The following FAT3 variants were observed in gnomAD, a reference collection of about 807,000 sequenced individuals.
FAT3 encodes the protein FAT atypical cadherin 3.
FAT3 carries 95 observed loss-of-function variants against 310.2 expected under a neutral mutation model. The observed-to-expected ratio is 0.31, with a 90% CI of 0.26 to 0.36. The LOEUF (loss-of-function observed/expected upper bound fraction) is 0.36, where lower values mean the gene tolerates loss of function less well. Among genes scored for constraint, FAT3 ranks in the 10% least tolerant of loss-of-function variants. FAT3 has a pLI of 1.00. For synonymous variants in FAT3, 2,314 were observed against 2,192.9 expected (o/e 1.06, Z -1.54); for missense variants, 5,408 against 5,715.6 (o/e 0.95, Z 1.74).
chr11:92,408,105 T>C (rs1297641383), intron 2 of FAT3: 2 of 152,302 alleles, frequency 1.3e-5, no homozygotes, highest in African/African-American at 4.8e-5. Context: ...CCAGCAGTGT[T>C]CAGTTTCTGG....
At chr11:92,638,567 G>A (rs1003265150) in intron 3 of FAT3, among the ~76,000 whole-genome samples, 2 of 152,160 alleles carry the variant, frequency 1.3e-5, no homozygotes, top group South Asian at 2.1e-4. Context: ...AAATGAATAC[G>A]AGTTCTGAAA....
chr11:92,438,399 C>T (rs1950993078), intron 2 of FAT3, among the ~76,000 whole-genome samples: 1 of 151,976 alleles, frequency 6.6e-6, no homozygotes, highest in Admixed American at 6.6e-5. Context: ...AATAGTTATC[C>T]TTGGGTGGTT....
chr11:92,258,960 A>G (rs1865426537), intron 1 of FAT3, among the ~76,000 whole-genome samples: 1 of 149,016 alleles, frequency 6.7e-6, no homozygotes, highest in African/African-American at 2.4e-5. Flanking sequence ...AAGGAGAAAG[A>G]TGGTGGCATT....
chr11:92,580,812 C>T (rs142845066), intron 3 of FAT3, among the ~76,000 whole-genome samples: 13 of 152,048 alleles, frequency 8.5e-5, no homozygotes, highest in African/African-American at 2.9e-4. Context: ...TGAATTCCTG[C>T]CCCAGCCACC....
At chr11:92,768,785 A>T (rs1321370079) in intron 6 of FAT3, among the ~76,000 whole-genome samples, 2 of 152,162 alleles carry the variant, frequency 1.3e-5, no homozygotes, top group Non-Finnish European at 2.9e-5. Flanking sequence ...TCTCAGATAT[A>T]AGTATGGGCC....
chr11:92,768,319 A>T (rs186572418), intron 6 of FAT3, among the ~76,000 whole-genome samples: 1 of 152,294 alleles, frequency 6.6e-6, no homozygotes, highest in East Asian at 1.9e-4. Context: ...CAAACAGAAC[A>T]TGATTTTATT....
At chr11:92,514,551 TG>T (rs1278491840) in intron 2 of FAT3, among the ~76,000 whole-genome samples, 1 of 152,180 alleles carries the variant, frequency 6.6e-6, no homozygotes, top group Non-Finnish European at 1.5e-5. Context: ...CAGTACTACC[TG>T]AAACATGCTA....
chr11:92,740,287 A>G (rs1945470047), intron 4 of FAT3, among the ~76,000 whole-genome samples: 1 of 152,234 alleles, frequency 6.6e-6, no homozygotes, highest in South Asian at 2.1e-4. Context: ...TTACAGATAC[A>G]CAACTGAGTT....
rs928540639 is a variant in FAT3, at chr11:92,621,431, T to C, written c.3608-75953T>C. Among the ~76,000 whole-genome samples, 5 of 152,300 alleles carry C rather than the reference T, an allele frequency of 3.3e-5. No homozygotes were observed. The East Asian group carries it at 7.7e-4, about 24-fold the overall frequency. ...GCTTATCCTTAAGGCTTGTATTTCA[T>C]CCCCAGCTCCTCCTCCTTGAGATGT... On this transcript the variant is annotated intron_variant, in intron 3 of 27. Coordinates refer to ENST00000525166, the MANE Select transcript of FAT3 (RefSeq NM_001367949.2).
At chr11:92,696,872 T>A (rs1256938337) in intron 3 of FAT3, among the ~76,000 whole-genome samples, 1 of 88,076 alleles carries the variant, frequency 1.1e-5, no homozygotes. Flanking sequence ...ATCTTTTGTG[T>A]GTAAGTTATT....
rs184471047 is a variant in FAT3 at position 92,780,150 on chromosome 11, A to C, written c.4335+5970A>C. Reference sequence around the variant, plus strand: ...TGTTTTAAGCTTCTAAGTTTATGGTAACTTTTTTTTTTCTTTTTTTTTTTT... The same window carrying C: ...TGTTTTAAGCTTCTAAGTTTATGGTCACTTTTTTTTTTCTTTTTTTTTTTT... On this transcript the variant is annotated intron_variant, in intron 7 of 27. Coordinates refer to ENST00000525166, the MANE Select transcript of FAT3 (RefSeq NM_001367949.2). Among the ~76,000 whole-genome samples the C allele has an allele frequency of 7.3e-5, 10 of 136,552 alleles. 1 individual carries two copies. The Admixed American group carries it at 8.4e-4, about 11-fold the overall frequency. 89.6% of individuals were successfully genotyped at this position (136,552 alleles called of 152,430 possible).
chr11:92,861,573 T>C (rs1949124369), intron 21 of FAT3, among the ~76,000 whole-genome samples: 1 of 152,224 alleles, frequency 6.6e-6, no homozygotes. Context: ...AACCCTTCCA[T>C]TAATCCCTTT....
chr11:92,321,087 G>A (rs946482312), intron 1 of FAT3, among the ~76,000 whole-genome samples: 1 of 152,070 alleles, frequency 6.6e-6, no homozygotes, highest in Non-Finnish European at 1.5e-5. Context: ...ATAAGGTGTT[G>A]GCATGAAATA....
rs1942903556 is a variant in FAT3 at position 92,664,893 on chromosome 11, A to G, written c.3608-32491A>G. Among the ~76,000 whole-genome samples, 3 of 152,092 alleles carry G rather than the reference A, an allele frequency of 2.0e-5. No individual in the cohort carries two copies. The South Asian group carries it at 6.2e-4, about 32-fold the overall frequency. On this transcript the variant is annotated intron_variant, in intron 3 of 27. Transcript: ENST00000525166. ...CCATCCCCACTCCCAACAAGGGTGG[A>G]TGGGTTATTTGTTTTGGATTTTGTT... is the stretch of plus-strand genomic sequence containing the variant.
intron 21 of FAT3, among the ~76,000 whole-genome samples, chr11:92,862,537 C>T (rs975259066): frequency 6.6e-6 from 1 of 152,112 alleles, no homozygotes; most frequent in African/African-American, 2.4e-5. Flanking sequence ...TTGCTACATT[C>T]TGATGATTCT....
rs542880407 is a variant in FAT3, at chr11:92,786,008, C to T, written c.4336-3935C>T. On this transcript the variant is annotated intron_variant, in intron 7 of 27. Coordinates refer to ENST00000525166, the MANE Select transcript of FAT3 (RefSeq NM_001367949.2). The stretch of plus-strand genomic sequence containing the variant: ...AACCAATGGAACAGAATAGAAAATC[C>T]AGAAATATGCTAACTGCATGTGTAA... 8.1e-4 allele frequency among the ~76,000 whole-genome samples: 123 copies of T among 152,074 alleles called. 1 individual carries two copies. The highest frequency in any genetic ancestry group is 2.7e-3 in the African/African-American group (113 of 41,510).
At chr11:92,345,151 T>A (rs935465515) in intron 1 of FAT3, among the ~76,000 whole-genome samples, 6 of 152,160 alleles carry the variant, frequency 3.9e-5, no homozygotes, top group Non-Finnish European at 7.3e-5. Context: ...TTATAATTCC[T>A]ATTTGGACTG....
chr11:92,891,280 C>G lies in FAT3; in HGVS notation c.*167C>G. ...ACTGTCCCAACAAGCAAGCTTGATT[C>G]CAGTTGGGTGAAAATGAAAGGCTCA... On this transcript the variant is annotated 3_prime_UTR_variant, in exon 28 of 28. Coordinates refer to ENST00000525166, the MANE Select transcript of FAT3 (RefSeq NM_001367949.2). The G allele has an allele frequency of 2.1e-6, 2 of 947,422 alleles. No homozygotes were observed. The highest frequency in any genetic ancestry group is 3.1e-6 in the Non-Finnish European group (2 of 654,124). The allele number at this position is 947,422 out of a possible 1,614,324, so 58.7% of individuals were successfully genotyped here. A position where few individuals can be genotyped will look rare whatever the true frequency, so the allele number is the denominator to read the frequency against.
chr11:92,736,820 T>C (rs1945363218), intron 4 of FAT3, among the ~76,000 whole-genome samples: 2 of 152,184 alleles, frequency 1.3e-5, no homozygotes, highest in Non-Finnish European at 2.9e-5. Context: ...AGGTACAAAT[T>C]CAGTCACTTC....
Sources: gnomAD v4.1 joint callset for allele counts (sites outside exome capture counted in the v4.1 genomes callset) on GRCh38, gnomAD v4.1.1 for gene constraint, MANE v1.5 for transcripts, NCBI Gene and HGNC (gene_info 2026-07-23, HGNC 2026-07-21) for gene names.